The following CBR4 variants were observed in gnomAD, a reference collection of about 807,000 sequenced individuals.
CBR4 encodes the protein 3-oxoacyl-[acyl-carrier-protein] reductase.
A neutral mutation model predicts 21.0 loss-of-function variants in CBR4; 22 were observed. The observed-to-expected ratio is 1.05, with a 90% CI of 0.75 to 1.50. CBR4 has a LOEUF of 1.50. CBR4 is among the 40% of genes most tolerant of loss of function. The probability of loss-of-function intolerance (pLI) is 0.00; values close to 1 mark genes in which losing one functional copy is unlikely to be tolerated. For synonymous variants in CBR4, 100 were observed against 104.4 expected, an observed-to-expected ratio of 0.96 and a Z score of 0.26; for missense variants, 302 against 286.3, an observed-to-expected ratio of 1.05 and a Z score of -0.40.
At chr4:168,926,636 A>G (rs1266806061) in intron 2 of CBR4, 12 of 393,062 alleles carry the variant, frequency 3.1e-5, no homozygotes, top group African/African-American at 2.4e-4. Context: ...TGCTGTGATT[A>G]AAGTGATCAA....
intron 2 of CBR4, among the ~76,000 whole-genome samples, chr4:168,923,931 T>G (rs202118868): frequency 5.8e-5 from 1 of 17,386 alleles, no homozygotes; most frequent in Non-Finnish European, 2.5e-4. Context: ...ACATAATCAC[T>G]AGTAGTGAAG....
chr4:168,929,430 A>G (rs1197203138), intron 2 of CBR4, among the ~76,000 whole-genome samples: 4 of 152,198 alleles, frequency 2.6e-5, no homozygotes, highest in African/African-American at 9.7e-5. Context: ...ATTGTCTTCT[A>G]TACCCCATGA....
downstream of CBR4, among the ~76,000 whole-genome samples, chr4:168,986,414 TTAA>T (rs1195480343): frequency 2.0e-5 from 3 of 152,120 alleles, no homozygotes; most frequent in Non-Finnish European, 4.4e-5. Context: ...CCCTAATTAT[TTAA>T]TAGCAATAAG....
At chr4:168,938,656 C>G (rs1000832543) in intron 2 of CBR4, among the ~76,000 whole-genome samples, 28 of 152,190 alleles carry the variant, frequency 1.8e-4, no homozygotes, top group Non-Finnish European at 5.9e-5. Flanking sequence ...GAAATACAAA[C>G]TACCATCAGG....
At chr4:168,940,006 A>C (rs528339073) in intron 2 of CBR4, among the ~76,000 whole-genome samples, 1 of 152,314 alleles carries the variant, frequency 6.6e-6, no homozygotes, top group Non-Finnish European at 1.5e-5. Context: ...AAAAGAATAA[A>C]GCTGGAGGCA....
chr4:168,949,933 T>G (rs1366262480), intron 2 of CBR4, among the ~76,000 whole-genome samples: 1 of 152,196 alleles, frequency 6.6e-6, no homozygotes, highest in Non-Finnish European at 1.5e-5. Context: ...GAATAATCTT[T>G]TGTATTTCCG....
chr4:169,005,743 A>T, intron 3 of CBR4: 1 of 478,346 alleles, frequency 2.1e-6, no homozygotes, highest in Non-Finnish European at 3.5e-6. Flanking sequence ...TTAAATTTTT[A>T]AGAGTAAATG....
intron 2 of CBR4, among the ~76,000 whole-genome samples, chr4:168,936,086 C>G (rs1163548140): frequency 6.6e-6 from 1 of 152,194 alleles, no homozygotes; most frequent in South Asian, 2.1e-4. Context: ...GAGGAAAGAA[C>G]AGGCAGCAAT....
chr4:168,988,943 A>C lies in CBR4; in HGVS notation c.*1207T>G. On this transcript the variant is annotated 3_prime_UTR_variant, in exon 5 of 5. Transcript: ENST00000306193. ...GTCAGCTCCAAATCAACATGAATGG[A>C]GTGACACTGAAAATATCATACTATT... 8 of 983,386 alleles carry C rather than the reference A, an allele frequency of 8.1e-6. No homozygotes were observed. The highest frequency in any genetic ancestry group is 9.7e-6 in the Non-Finnish European group (8 of 828,058). 60.9% of individuals were successfully genotyped at this position (983,386 alleles called of 1,614,324 possible).
intron 2 of CBR4, among the ~76,000 whole-genome samples, chr4:168,968,876 A>G (rs900354049): frequency 1.3e-5 from 2 of 152,238 alleles, no homozygotes; most frequent in African/African-American, 4.8e-5. Context: ...TTCTCTCTCC[A>G]TAAGTCAAAG....
intron 2 of CBR4, among the ~76,000 whole-genome samples, chr4:168,897,088 C>T (rs1358029281): frequency 2.0e-5 from 3 of 152,196 alleles, no homozygotes; most frequent in Non-Finnish European, 4.4e-5. Context: ...GCCTTGGCTT[C>T]CCAAAGCGCT....
rs146692155 is a variant in CBR4 at position 168,971,732 on chromosome 4, C to A, written n.169+30339G>T. 1.3e-3 allele frequency among the ~76,000 whole-genome samples: 203 copies of A among 152,198 alleles called. 2 individuals carry two copies. Among genetic ancestry groups the A allele is most frequent in the African/African-American group, 4.4e-3 (184 of 41,500 alleles). ...ATGGATAGTTTCTGAATATTTTCTC[C>A]CACTCTGTGAGTTGTTTACGCTGCT... On this transcript the variant is annotated intron_variant and non_coding_transcript_variant, in intron 2 of 3. Transcript: ENST00000509108.
intron 2 of CBR4, chr4:168,898,772 C>A: frequency 9.6e-7 from 1 of 1,037,178 alleles, no homozygotes. Flanking sequence ...GTTTAGCTTC[C>A]AAAACATAGC....
chr4:168,950,566 C>T (rs773520003), intron 2 of CBR4, among the ~76,000 whole-genome samples: 6 of 152,014 alleles, frequency 3.9e-5, no homozygotes, highest in African/African-American at 4.8e-5. Context: ...AAAGTGTCTC[C>T]GATTGTTGGA....
chr4:168,982,254 C>T (rs1285640421), intron 2 of CBR4, among the ~76,000 whole-genome samples: 1 of 152,104 alleles, frequency 6.6e-6, no homozygotes, highest in Non-Finnish European at 1.5e-5. Context: ...CAAAAAGGAG[C>T]AGGGGTTGCT....
intron 1 of CBR4, among the ~76,000 whole-genome samples, chr4:169,008,315 C>CG (rs200318511): frequency 0.013 from 1,958 of 151,576 alleles, 14 homozygotes; most frequent in Admixed American, 0.017. Context: ...CTACAAACCA[C>CG]GGGGGGAAAA....
At position 169,008,431 on chromosome 4, in the gene CBR4, C is replaced by G. The variant is rs114284653; in HGVS notation, c.143-675G>C. On this transcript the variant is annotated intron_variant, in intron 1 of 4. Coordinates refer to ENST00000306193, the MANE Select transcript of CBR4 (RefSeq NM_032783.5). ...GAAAACAAAGCATTCCCTATGTAATCTACCATTTTAATACTCTAAAATGTA... is the reference window on the plus strand; with the variant it reads ...GAAAACAAAGCATTCCCTATGTAATGTACCATTTTAATACTCTAAAATGTA... Among the ~76,000 whole-genome samples the G allele has an allele frequency of 6.7e-3, 1,013 of 152,260 alleles. 4 individuals carry two copies. Among genetic ancestry groups the G allele is most frequent in the Middle Eastern group, 0.034 (10 of 294 alleles).
At chr4:168,970,705 AGT>A (rs1764180448) in intron 2 of CBR4, among the ~76,000 whole-genome samples, 1 of 151,962 alleles carries the variant, frequency 6.6e-6, no homozygotes, top group African/African-American at 2.4e-5. Context: ...CCCACTCATA[AGT>A]GAGAACATAT....
downstream of CBR4, among the ~76,000 whole-genome samples, chr4:168,986,336 T>C (rs1304072743): frequency 6.6e-6 from 1 of 152,230 alleles, no homozygotes; most frequent in Admixed American, 6.5e-5. Context: ...CCAACTGTAC[T>C]CTAACTTTAG....
Sources: gnomAD v4.1 joint callset for allele counts (sites outside exome capture counted in the v4.1 genomes callset) on GRCh38, gnomAD v4.1.1 for gene constraint, MANE v1.5 for transcripts, NCBI Gene and HGNC (gene_info 2026-07-23, HGNC 2026-07-21) for gene names.